BRSK2: variants seen among roughly 807,000 people sequenced by gnomAD.
The protein encoded by BRSK2 is serine/threonine-protein kinase BRSK2.
In BRSK2, 19 loss-of-function variants were observed where a neutral mutation model predicts 83.3. That is an observed-to-expected ratio of 0.23 (90% CI 0.16 to 0.33). The LOEUF is 0.33. Among genes scored for constraint, BRSK2 ranks in the 10% least tolerant of loss-of-function variants. The pLI, the probability that BRSK2 is intolerant of heterozygous loss-of-function variation, is 1.00. For missense variants in BRSK2, 798 were observed against 1,042.3 expected (o/e 0.77, Z 3.23); for synonymous variants, 519 against 435.4 (o/e 1.19, Z -2.39).
At chr11:1,408,828 T>TGGGG (rs1564801538) in intron 1 of BRSK2, among the ~76,000 whole-genome samples, 2 of 150,724 alleles carry the variant, frequency 1.3e-5, no homozygotes, top group African/African-American at 4.9e-5. Context: ...TGTGTGTGTG[T>TGGGG]GTGTGTGGCT....
chr11:1,433,326 C>T (rs1252197536), intron 1 of BRSK2, among the ~76,000 whole-genome samples: 3 of 152,254 alleles, frequency 2.0e-5, no homozygotes, highest in Non-Finnish European at 4.4e-5. Flanking sequence ...CTGCTTCACC[C>T]CTGCACCCTC....
At chr11:1,398,948 G>A (rs1312233465) in intron 1 of BRSK2, among the ~76,000 whole-genome samples, 3 of 152,188 alleles carry the variant, frequency 2.0e-5, no homozygotes, top group Non-Finnish European at 2.9e-5. Context: ...ACCCGCGGCC[G>A]TCCCTGGCTT....
intron 5 of BRSK2, 23 bp downstream of exon 5, chr11:1,442,629 G>C: frequency 1.3e-6 from 2 of 1,573,176 alleles, no homozygotes; most frequent in Non-Finnish European, 1.7e-6. Flanking sequence ...CTGCCCTGGA[G>C]AGAGGCTGGG....
At chr11:1,429,355 C>T (rs143617322) in intron 1 of BRSK2, among the ~76,000 whole-genome samples, 17 of 145,952 alleles carry the variant, frequency 1.2e-4, no homozygotes, top group East Asian at 4.3e-4. Context: ...CATGTGCACT[C>T]GGTGTGTGGG....
intron 19 of BRSK2, 29 bp from the exon 20 acceptor site, chr11:1,460,460 CCTTTTTTTTTT>C (rs1420289544): frequency 8.7e-5 from 98 of 1,122,762 alleles, no homozygotes; most frequent in African/African-American, 1.1e-4. Context: ...TTTCTTTTTT[CCTTTTTTTTTT>C]TTTTTTTGTC....
intron 1 of BRSK2, among the ~76,000 whole-genome samples, chr11:1,416,866 A>G (rs912062481): frequency 6.6e-6 from 1 of 152,104 alleles, no homozygotes; most frequent in Non-Finnish European, 1.5e-5. Context: ...CTCTCTTAAA[A>G]TGTGGCTTCT....
Position 1,433,116 on chromosome 11 carries a change from T to C in BRSK2, c.92-2924T>C, listed in dbSNP as rs149101346. 2.5e-3 allele frequency among the ~76,000 whole-genome samples: 252 copies of C among 100,222 alleles called. 17 individuals carry two copies. The highest frequency in any genetic ancestry group is 6.6e-3 in the Middle Eastern group (1 of 152). The allele number at this position is 100,222 out of a possible 152,430, so 65.7% of individuals were successfully genotyped here. A position where few individuals can be genotyped will look rare whatever the true frequency, so the allele number is the denominator to read the frequency against. On this transcript the variant is annotated intron_variant, in intron 1 of 19. Transcript: ENST00000528841. ...GTCTGGTCAGGTTTTGCCACTGTGCTCAGCAGTGAGCGTCTTCTGCGGTCT... is the reference window on the plus strand; with the variant it reads ...GTCTGGTCAGGTTTTGCCACTGTGCCCAGCAGTGAGCGTCTTCTGCGGTCT...
Position 1,459,884 on chromosome 11 carries a change from C to T in BRSK2, c.1988-616C>T, listed in dbSNP as rs138103371. On this transcript the variant is annotated intron_variant, in intron 19 of 19. Coordinates refer to ENST00000528841, the MANE Select transcript of BRSK2 (RefSeq NM_001256627.2). ...CTGTCTGTCTGCTGCTAAACTGTGT[C>T]CAAGCTGGCCAGGGGTCGGGCTTCA... Among the ~76,000 whole-genome samples the T allele has an allele frequency of 1.4e-3, 211 of 152,296 alleles. 1 individual carries two copies. Among genetic ancestry groups the T allele is most frequent in the South Asian group, 5.2e-3 (25 of 4,826 alleles).
chr11:1,400,034 A>G (rs1322847713), intron 1 of BRSK2, among the ~76,000 whole-genome samples: 1 of 152,254 alleles, frequency 6.6e-6, no homozygotes, highest in African/African-American at 2.4e-5. Context: ...CACATATAAC[A>G]GAGAAACTCT....
At chr11:1,456,294 G>A (rs557901024) in intron 16 of BRSK2, 54 bp from the exon 17 acceptor site, 22 of 1,486,192 alleles carry the variant, frequency 1.5e-5, no homozygotes, top group Non-Finnish European at 1.8e-5. Context: ...CTCCCCAGAG[G>A]GCCAGGGTGG....
intron 1 of BRSK2, among the ~76,000 whole-genome samples, chr11:1,413,718 A>G (rs1590374700): frequency 1.3e-5 from 2 of 152,146 alleles, no homozygotes; most frequent in East Asian, 3.9e-4. Context: ...AGAACGGGGG[A>G]ACCAAAAGGA....
chr11:1,402,319 T>G (rs918643005), intron 1 of BRSK2, among the ~76,000 whole-genome samples: 5 of 152,170 alleles, frequency 3.3e-5, no homozygotes, highest in African/African-American at 1.2e-4. Flanking sequence ...CCAAGTCACC[T>G]TGTTTCAGGG....
chr11:1,396,267 TCC>T (rs1846101152), intron 1 of BRSK2, among the ~76,000 whole-genome samples: 2 of 142,696 alleles, frequency 1.4e-5, no homozygotes, highest in Admixed American at 6.8e-5. Flanking sequence ...CCTCTTCCCT[TCC>T]ACCCACGTCC....
At chr11:1,443,753 G>A (rs1000986146) in intron 8 of BRSK2, 118 bp downstream of exon 8, 5 of 1,292,348 alleles carry the variant, frequency 3.9e-6, no homozygotes, top group Non-Finnish European at 4.1e-6. Flanking sequence ...TGTGTGGGTC[G>A]GTGCCCAGGT....
chr11:1,447,005 C>T (rs1231103334), intron 12 of BRSK2, among the ~76,000 whole-genome samples: 1 of 152,100 alleles, frequency 6.6e-6, no homozygotes, highest in East Asian at 1.9e-4. Flanking sequence ...CAGCCCCAGC[C>T]CTGGCCAGAG....
At chr11:1,436,785 CCCT>C (rs765630301) in intron 2 of BRSK2, among the ~76,000 whole-genome samples, 1 of 152,006 alleles carries the variant, frequency 6.6e-6, no homozygotes, top group Non-Finnish European at 1.5e-5. Context: ...CAGTCGAGCC[CCCT>C]CCTCTCCCTT....
chr11:1,407,199 C>T (rs575108412), intron 1 of BRSK2, among the ~76,000 whole-genome samples: 1 of 152,264 alleles, frequency 6.6e-6, no homozygotes, highest in East Asian at 1.9e-4. Context: ...GGGTCCCCCA[C>T]ATCTGATGTC....
chr11:1,455,354 T>C (rs1327572263), intron 16 of BRSK2, among the ~76,000 whole-genome samples: 1 of 129,804 alleles, frequency 7.7e-6, no homozygotes, highest in Admixed American at 8.1e-5. Flanking sequence ...CCAGGGCTGC[T>C]GTCCTGCCCT....
At chr11:1,413,752 G>T (rs1053929876) in intron 1 of BRSK2, among the ~76,000 whole-genome samples, 5 of 152,350 alleles carry the variant, frequency 3.3e-5, no homozygotes, top group East Asian at 1.9e-4. Flanking sequence ...AGCCTGGGGT[G>T]GTGGGGCCTG....
Sources: gnomAD v4.1 joint callset for allele counts (sites outside exome capture counted in the v4.1 genomes callset) on GRCh38, gnomAD v4.1.1 for gene constraint, MANE v1.5 for transcripts, NCBI Gene and HGNC (gene_info 2026-07-23, HGNC 2026-07-21) for gene names.